The following TMEM108 variants were observed in gnomAD, a reference collection of about 807,000 sequenced individuals.
The protein encoded by TMEM108 is cancer/testis antigen 124.
In TMEM108, 12 loss-of-function variants were observed where a neutral mutation model predicts 35.1. That is an observed-to-expected ratio of 0.34 (90% confidence interval 0.22 to 0.55). The LOEUF (loss-of-function observed/expected upper bound fraction) is 0.55. Among genes scored for constraint, TMEM108 ranks in the 20% least tolerant of loss-of-function variants. The pLI is 0.89. For missense variants in TMEM108, 680 were observed against 753.3 expected, an observed-to-expected ratio of 0.90 and a Z score of 1.14; for synonymous variants, 287 against 308.6, an observed-to-expected ratio of 0.93 and a Z score of 0.73.
chr3:133,177,151 C>A (rs1029080667), intron 2 of TMEM108, among the ~76,000 whole-genome samples: 3 of 152,132 alleles, frequency 2.0e-5, no homozygotes, highest in Non-Finnish European at 1.5e-5. Context: ...CAATAACAGG[C>A]TCTGAAATTG....
chr3:133,342,555 T>TATATATATATACACACACAC (rs60991711), intron 3 of TMEM108, among the ~76,000 whole-genome samples: 1 of 63,416 alleles, frequency 1.6e-5, no homozygotes, highest in Admixed American at 1.5e-4. Flanking sequence ...TATATATATA[T>TATATATATATACACACACAC]ACACACACAC....
At chr3:133,292,121 A>G (rs1576436625) in intron 3 of TMEM108, among the ~76,000 whole-genome samples, 1 of 151,840 alleles carries the variant, frequency 6.6e-6, no homozygotes, top group African/African-American at 2.4e-5. Context: ...GGGAACCTTG[A>G]TGGTTGCGTA....
At chr3:133,232,379 A>G (rs1576399144) in intron 3 of TMEM108, among the ~76,000 whole-genome samples, 1 of 152,160 alleles carries the variant, frequency 6.6e-6, no homozygotes, top group Non-Finnish European at 1.5e-5. Flanking sequence ...CCACTCACTC[A>G]CCATGTGATC....
chr3:133,108,191 G>A (rs904828884), intron 2 of TMEM108, among the ~76,000 whole-genome samples: 3 of 152,110 alleles, frequency 2.0e-5, no homozygotes, highest in Non-Finnish European at 2.9e-5. Flanking sequence ...AGATCACACC[G>A]CTGTACTCCA....
chr3:133,048,117 T>C (rs1196963831), intron 2 of TMEM108, among the ~76,000 whole-genome samples: 4 of 152,132 alleles, frequency 2.6e-5, no homozygotes, highest in Non-Finnish European at 4.4e-5. Flanking sequence ...GAAGAGTGGA[T>C]GAGGCAGAAA....
At chr3:133,162,465 C>T (rs1327844760) in intron 2 of TMEM108, among the ~76,000 whole-genome samples, 1 of 152,116 alleles carries the variant, frequency 6.6e-6, no homozygotes, top group Non-Finnish European at 1.5e-5. Flanking sequence ...TAACAGTGAC[C>T]CTGATTCCTA....
intron 2 of TMEM108, among the ~76,000 whole-genome samples, chr3:133,117,760 G>T (rs149484162): frequency 6.6e-6 from 1 of 152,104 alleles, no homozygotes; most frequent in East Asian, 1.9e-4. Flanking sequence ...GGGTTTGATT[G>T]GGTGCACCGG....
intron 2 of TMEM108, among the ~76,000 whole-genome samples, chr3:133,156,064 T>TTTTATTTATTTATTTAATTTA (rs1944876946): frequency 2.1e-5 from 3 of 146,084 alleles, no homozygotes; most frequent in Non-Finnish European, 3.0e-5. Context: ...TTATTTTTTC[T>TTTTATTTATTTATTTAATTTA]TTTATTTATT....
At chr3:133,130,427 A>G (rs945292669) in intron 2 of TMEM108, among the ~76,000 whole-genome samples, 2 of 152,180 alleles carry the variant, frequency 1.3e-5, no homozygotes, top group Non-Finnish European at 2.9e-5. Flanking sequence ...TAGCCCACTT[A>G]CATGTCTGGA....
At chr3:133,300,719 TACC>T (rs1947209982) in intron 3 of TMEM108, among the ~76,000 whole-genome samples, 1 of 151,976 alleles carries the variant, frequency 6.6e-6, no homozygotes, top group Non-Finnish European at 1.5e-5. Flanking sequence ...GGTTGCCAGG[TACC>T]TAGCCCTGGA....
At chr3:133,252,580 A>G (rs1478587630) in intron 3 of TMEM108, among the ~76,000 whole-genome samples, 1 of 152,192 alleles carries the variant, frequency 6.6e-6, no homozygotes, top group Non-Finnish European at 1.5e-5. Context: ...TCTTAAGCAG[A>G]TATTTCATGT....
At chr3:133,226,564 T>A (rs1946074084) in intron 2 of TMEM108, among the ~76,000 whole-genome samples, 1 of 152,170 alleles carries the variant, frequency 6.6e-6, no homozygotes, top group Admixed American at 6.5e-5. Context: ...TCCGTTTTGC[T>A]TCAAATCCAA....
In TMEM108 at chr3:133,146,593, A is replaced by T. The variant is rs6800088; in HGVS notation, c.-46-82673A>T. Among the ~76,000 whole-genome samples, 1,001 of 152,162 alleles carry T rather than the reference A, an allele frequency of 6.6e-3. 13 individuals are homozygous for T. The highest frequency in any genetic ancestry group is 0.023 in the African/African-American group (951 of 41,542). On this transcript the variant is annotated intron_variant, in intron 2 of 5. Transcript: ENST00000321871. The stretch of plus-strand genomic sequence containing the variant: ...AATTCAGCTGTGAATCTGTCTGGTC[A>T]TGGGCTTTTTTTAGTTGGTAGGCTA...
chr3:133,088,054 G>A (rs532300146), intron 2 of TMEM108, among the ~76,000 whole-genome samples: 11 of 152,302 alleles, frequency 7.2e-5, no homozygotes, highest in East Asian at 3.9e-4. Flanking sequence ...TGACTTTAGC[G>A]TGTTCTTTAT....
At chr3:133,230,866 C>T (rs1946142749) in intron 3 of TMEM108, among the ~76,000 whole-genome samples, 1 of 152,178 alleles carries the variant, frequency 6.6e-6, no homozygotes, top group Non-Finnish European at 1.5e-5. Flanking sequence ...TATTGAGCAA[C>T]TCTGAATGCT....
chr3:133,223,107 T>C (rs1351317903), intron 2 of TMEM108, among the ~76,000 whole-genome samples: 1 of 152,236 alleles, frequency 6.6e-6, no homozygotes, highest in Non-Finnish European at 1.5e-5. Flanking sequence ...TGGTCACTGG[T>C]GCATAATTTT....
chr3:133,378,022 A>T (rs1329364445), intron 3 of TMEM108, among the ~76,000 whole-genome samples: 1 of 152,200 alleles, frequency 6.6e-6, no homozygotes, highest in African/African-American at 2.4e-5. Flanking sequence ...CAGTCCATGG[A>T]AAAACTGTCT....
At chr3:133,201,195 G>T (rs764691652) in intron 2 of TMEM108, among the ~76,000 whole-genome samples, 3 of 152,104 alleles carry the variant, frequency 2.0e-5, no homozygotes, top group Non-Finnish European at 4.4e-5. Context: ...CCTGGAAACA[G>T]ATGGCTAGTT....
At chr3:133,381,213 C>G in intron 4 of TMEM108, 52 bp downstream of exon 4, 1 of 1,511,148 alleles carries the variant, frequency 6.6e-7, no homozygotes, top group Non-Finnish European at 8.9e-7. Flanking sequence ...ATCACTGGCT[C>G]AACCCCAGCA....
Sources: gnomAD v4.1 joint callset for allele counts (sites outside exome capture counted in the v4.1 genomes callset) on GRCh38, gnomAD v4.1.1 for gene constraint, MANE v1.5 for transcripts, NCBI Gene and HGNC (gene_info 2026-07-23, HGNC 2026-07-21) for gene names.